The following GPM6A variants were observed in gnomAD, a reference collection of about 807,000 sequenced individuals.
GPM6A encodes neuronal membrane glycoprotein M6-a.
In GPM6A, 7 loss-of-function variants were observed where a neutral mutation model predicts 32.1. The ratio of observed to expected loss-of-function variants is 0.22; its 90% CI spans 0.12 to 0.41. The LOEUF is 0.41. GPM6A is among the 10% of genes least tolerant of loss of function. The pLI is 1.00. For missense variants in GPM6A, 235 were observed against 347.2 expected (o/e 0.68, Z 2.57); for synonymous variants, 130 against 123.4 (o/e 1.05, Z -0.35).
chr4:175,834,385 A>C (rs1735702998), intron 1 of GPM6A, among the ~76,000 whole-genome samples: 1 of 152,152 alleles, frequency 6.6e-6, no homozygotes, highest in African/African-American at 2.4e-5. Flanking sequence ...GTGGTTACAA[A>C]ATCTTTAAAA....
At chr4:175,999,417 G>A (rs1741407631) in intron 1 of GPM6A, among the ~76,000 whole-genome samples, 1 of 152,154 alleles carries the variant, frequency 6.6e-6, no homozygotes, top group South Asian at 2.1e-4. Flanking sequence ...ATTTTGCAGT[G>A]GAGGGATAGC....
chr4:175,950,585 T>A (rs982303175), intron 1 of GPM6A, among the ~76,000 whole-genome samples: 5 of 151,498 alleles, frequency 3.3e-5, no homozygotes, highest in Non-Finnish European at 7.4e-5. Flanking sequence ...TTTGGGGGAG[T>A]TTTTACATTT....
Position 175,827,002 on chromosome 4 carries a change from G to A in GPM6A, c.-22-14753C>T, listed in dbSNP as rs532453657. ...ACTTGTCTCACTGACTTCACAAGGT[G>A]AAGTCACTGCACTAAATGTTTTAGG... is the stretch of plus-strand genomic sequence containing the variant. On this transcript the variant is annotated intron_variant, in intron 1 of 7. Transcript: ENST00000280187. 2.6e-5 allele frequency among the ~76,000 whole-genome samples: 4 copies of A among 152,248 alleles called. No individual in the cohort carries two copies. In the East Asian group the frequency reaches 7.7e-4, roughly 29 times the overall value.
chr4:175,852,884 A>T (rs1234290744), intron 1 of GPM6A, among the ~76,000 whole-genome samples: 1 of 152,202 alleles, frequency 6.6e-6, no homozygotes, highest in Admixed American at 6.5e-5. Flanking sequence ...CAGAAAAGAT[A>T]TATCACCTTG....
At position 175,810,230 on chromosome 4, in the gene GPM6A, T is replaced by A. The variant is rs889496685; in HGVS notation, c.37+1961A>T. Among the ~76,000 whole-genome samples, 5 of 152,204 alleles carry A rather than the reference T, an allele frequency of 3.3e-5. No individual in the cohort carries two copies. The South Asian group carries it at 1.0e-3, about 31-fold the overall frequency. ...GAGCATTTCGATTCAAATGTAACTT[T>A]CTAACAACAAACTTATATAGAAAAG... On this transcript the variant is annotated intron_variant, in intron 1 of 6. Transcript: ENST00000393658.
At chr4:175,661,553 TC>T (rs1742418258) in intron 3 of GPM6A, among the ~76,000 whole-genome samples, 1 of 152,168 alleles carries the variant, frequency 6.6e-6, no homozygotes. Context: ...TAAAGGTGTT[TC>T]CATTGTTTGA....
chr4:175,889,307 G>A (rs1373667489), intron 1 of GPM6A, among the ~76,000 whole-genome samples: 1 of 151,954 alleles, frequency 6.6e-6, no homozygotes, highest in Admixed American at 6.6e-5. Flanking sequence ...AAAATTCTGG[G>A]TTAGAAAATG....
chr4:175,838,025 T>C (rs1318007887), intron 1 of GPM6A, among the ~76,000 whole-genome samples: 1 of 151,402 alleles, frequency 6.6e-6, no homozygotes, highest in Non-Finnish European at 1.5e-5. Flanking sequence ...TCTATGTTCT[T>C]TAGTTCTCCA....
chr4:175,688,713 T>G (rs2111029886), intron 2 of GPM6A, among the ~76,000 whole-genome samples: 1 of 152,356 alleles, frequency 6.6e-6, no homozygotes, highest in Non-Finnish European at 1.5e-5. Context: ...ATTACCCTGA[T>G]TAGATCATTA....
At chr4:175,837,260 C>T (rs899351831) in intron 1 of GPM6A, among the ~76,000 whole-genome samples, 1 of 152,122 alleles carries the variant, frequency 6.6e-6, no homozygotes, top group Admixed American at 6.6e-5. Flanking sequence ...CCTAGAGCCT[C>T]CAGAAAGAAC....
At chr4:175,763,022 C>A (rs747840615) in intron 1 of GPM6A, among the ~76,000 whole-genome samples, 12 of 151,944 alleles carry the variant, frequency 7.9e-5, no homozygotes, top group Admixed American at 1.3e-4. Flanking sequence ...TGCCTGTGTT[C>A]TAAAAACCAC....
intron 4 of GPM6A, among the ~76,000 whole-genome samples, chr4:175,645,273 G>T (rs1486421829): frequency 6.6e-6 from 1 of 152,114 alleles, no homozygotes; most frequent in Non-Finnish European, 1.5e-5. Context: ...CTGGAATTGT[G>T]AGAATTATTT....
chr4:175,639,018 A>C (rs1253756894), intron 6 of GPM6A, among the ~76,000 whole-genome samples: 1 of 152,104 alleles, frequency 6.6e-6, no homozygotes, highest in Non-Finnish European at 1.5e-5. Flanking sequence ...CAAGCGTCTC[A>C]CGTTCTGAAA....
chr4:175,820,500 C>CTTTTTTTTT (rs66569311), intron 1 of GPM6A, among the ~76,000 whole-genome samples: 16 of 112,112 alleles, frequency 1.4e-4, no homozygotes, highest in East Asian at 2.6e-4. Flanking sequence ...TCTTTTCTTT[C>CTTTTTTTTT]TTTTTTTTTT....
intron 1 of GPM6A, among the ~76,000 whole-genome samples, chr4:175,968,385 A>AT (rs1472269638): frequency 1.2e-4 from 19 of 152,152 alleles, no homozygotes; most frequent in Admixed American, 1.0e-3. Flanking sequence ...TTTTAGACAG[A>AT]TTACCAAACA....
At chr4:175,749,635 G>C (rs976486525) in intron 1 of GPM6A, among the ~76,000 whole-genome samples, 1 of 152,132 alleles carries the variant, frequency 6.6e-6, no homozygotes, top group Admixed American at 6.5e-5. Flanking sequence ...TATCGAAGCA[G>C]GGTATAACTT....
intron 1 of GPM6A, among the ~76,000 whole-genome samples, chr4:175,734,732 G>A (rs986124093): frequency 5.3e-5 from 8 of 152,092 alleles, no homozygotes; most frequent in African/African-American, 1.9e-4. Flanking sequence ...AGTTAGCTGG[G>A]TGTGGTGGCA....
At chr4:175,742,569 T>C (rs181577702) in intron 1 of GPM6A, among the ~76,000 whole-genome samples, 19 of 152,244 alleles carry the variant, frequency 1.2e-4, no homozygotes, top group South Asian at 6.2e-4. Context: ...GAAGTACACA[T>C]CAGAAAATGG....
intron 1 of GPM6A, among the ~76,000 whole-genome samples, chr4:175,945,680 G>A: frequency 6.9e-6 from 1 of 144,248 alleles, no homozygotes; most frequent in South Asian, 2.2e-4. Flanking sequence ...TATGTTATAA[G>A]TAATATAACT....
Sources: gnomAD v4.1 joint callset for allele counts (sites outside exome capture counted in the v4.1 genomes callset) on GRCh38, gnomAD v4.1.1 for gene constraint, MANE v1.5 for transcripts, NCBI Gene and HGNC (gene_info 2026-07-23, HGNC 2026-07-21) for gene names.